Variants in TRPV1 observed in about 807,000 individuals in gnomAD.
The protein encoded by TRPV1 is OTRPC1.
TRPV1 carries 82 observed loss-of-function variants against 82.3 expected under a neutral mutation model. The observed-to-expected ratio is 1.00, with a 90% CI of 0.83 to 1.20. TRPV1 has a LOEUF of 1.20. Among genes scored for constraint, TRPV1 ranks in the 50% most tolerant of loss-of-function variants. The pLI, the probability that TRPV1 is intolerant of heterozygous loss-of-function variation, is 0.00. For synonymous variants in TRPV1, 515 were observed against 467.7 expected (o/e 1.10, Z -1.30); for missense variants, 1,067 against 1,096.8 (o/e 0.97, Z 0.38).
intron 2 of TRPV1, among the ~76,000 whole-genome samples, chr17:3,605,337 C>T (rs1024847860): frequency 1.3e-5 from 2 of 152,084 alleles, no homozygotes; most frequent in Admixed American, 6.6e-5. Flanking sequence ...GGCAAAACCC[C>T]GTCTCTACTA....
chr17:3,590,693 A>G (rs1013458174), intron 5 of TRPV1, among the ~76,000 whole-genome samples: 1 of 152,176 alleles, frequency 6.6e-6, no homozygotes, highest in African/African-American at 2.4e-5. Context: ...ACTTCCAGGG[A>G]CAGGGACCAT....
chr17:3,603,875 G>T (rs1025434081), intron 2 of TRPV1, among the ~76,000 whole-genome samples: 4 of 152,104 alleles, frequency 2.6e-5, no homozygotes, highest in Admixed American at 1.3e-4. Context: ...CTCTCCTGAG[G>T]GCCCACCATG....
Position 3,591,197 on chromosome 17 carries a change from G to T in TRPV1, c.441C>A (p.Asn147Lys), listed in dbSNP as rs200647940. Residue 147 changes from asparagine to lysine, a missense_variant, in exon 4 of 17, where the codon AAC (asparagine) becomes AAA (lysine). By Grantham distance (94) the Asn-to-Lys change is moderately conservative (BLOSUM62 0). Transcript: ENST00000572705. ...CAGCGCTGGGGCCACCTTTGAACTCGTTGTCTGTGAGGTGCTTCTTGCTCT... is the reference window on the plus strand; with the variant it reads ...CAGCGCTGGGGCCACCTTTGAACTCTTTGTCTGTGAGGTGCTTCTTGCTCT... ...LQKSKKHLTD[N>K]EFKDPETGKT... 4 of 1,610,092 alleles carry T rather than the reference G, an allele frequency of 2.5e-6. No individual in the cohort carries two copies. Among genetic ancestry groups the T allele is most frequent in the Admixed American group, 1.7e-5 (1 of 59,118 alleles).
At chr17:3,577,970 T>C (rs1410745806) in intron 11 of TRPV1, 2 of 551,758 alleles carry the variant, frequency 3.6e-6, no homozygotes, top group Admixed American at 3.0e-5. Context: ...TGAGGAGCTG[T>C]GCAAAATCTC....
chr17:3,582,212 A>AAAAAAAC, intron 10 of TRPV1, among the ~76,000 whole-genome samples: 1 of 147,644 alleles, frequency 6.8e-6, no homozygotes, highest in Non-Finnish European at 1.5e-5. Flanking sequence ...AAAAAAAAAA[A>AAAAAAAC]AATCACAGTG....
At chr17:3,574,225 G>C (rs968212236) in intron 13 of TRPV1, among the ~76,000 whole-genome samples, 2 of 152,052 alleles carry the variant, frequency 1.3e-5, no homozygotes, top group African/African-American at 4.8e-5. Context: ...TTAACCATAC[G>C]TGTCAGCTCT....
chr17:3,593,612 T>G (rs920430858), intron 2 of TRPV1, among the ~76,000 whole-genome samples: 1 of 152,076 alleles, frequency 6.6e-6, no homozygotes, highest in African/African-American at 2.4e-5. Flanking sequence ...CTACTTCCCC[T>G]CAGGATCCAG....
intron 13 of TRPV1, among the ~76,000 whole-genome samples, chr17:3,576,061 C>CA (rs35246256): frequency 0.076 from 10,959 of 144,516 alleles, 597 homozygotes; most frequent in African/African-American, 0.15. Flanking sequence ...ACTAAAAATA[C>CA]AAAAAAAAAA....
intron 16 of TRPV1, among the ~76,000 whole-genome samples, chr17:3,570,580 C>A (rs1031835649): frequency 6.6e-6 from 1 of 152,164 alleles, no homozygotes; most frequent in Non-Finnish European, 1.5e-5. Flanking sequence ...CAAAATTTGT[C>A]CACTATAAAC....
At chr17:3,580,366 T>C (rs1205270436) in intron 11 of TRPV1, 91 bp downstream of exon 11, 2 of 1,321,102 alleles carry the variant, frequency 1.5e-6, no homozygotes, top group Non-Finnish European at 2.2e-6. Context: ...GGTCCCACTA[T>C]GTGCCAGGCC....
intron 10 of TRPV1, among the ~76,000 whole-genome samples, chr17:3,581,532 G>C (rs913348816): frequency 2.6e-5 from 4 of 151,984 alleles, no homozygotes; most frequent in African/African-American, 9.7e-5. Flanking sequence ...ATTCCATAAA[G>C]GTGAGTGACT....
At chr17:3,607,738 C>T (rs1597561420) in intron 2 of TRPV1, among the ~76,000 whole-genome samples, 1 of 151,862 alleles carries the variant, frequency 6.6e-6, no homozygotes. Flanking sequence ...GTTTTCACCA[C>T]GTTGGCCAGG....
At chr17:3,594,753 C>T (rs544844123) in intron 2 of TRPV1, among the ~76,000 whole-genome samples, 6 of 152,344 alleles carry the variant, frequency 3.9e-5, no homozygotes, top group African/African-American at 1.4e-4. Flanking sequence ...GGAGTCAGCT[C>T]CCCGCTGAGA....
At chr17:3,582,186 T>G (rs2075029165) in intron 10 of TRPV1, among the ~76,000 whole-genome samples, 1 of 36,282 alleles carries the variant, frequency 2.8e-5, no homozygotes, top group Non-Finnish European at 5.4e-5. Flanking sequence ...TGAGACTCCA[T>G]CTCAAAAAAA....
rs1431558019 is a variant in TRPV1, at chr17:3,580,448, G to A, written c.1547+9C>T. 6.2e-6 allele frequency: 10 copies of A among 1,614,008 alleles called. No homozygotes were observed. Among genetic ancestry groups the A allele is most frequent in the Non-Finnish European group, 8.5e-6 (10 of 1,179,888 alleles). ...GACTGGACTGGGAATGAGTCAAAGTGTCACTTACAAAAGCATCTCACTGTA... is the reference window on the plus strand; with the variant it reads ...GACTGGACTGGGAATGAGTCAAAGTATCACTTACAAAAGCATCTCACTGTA... On this transcript the variant is annotated intron_variant, in intron 11 of 16. Transcript: ENST00000572705.
At chr17:3,569,966 T>G (rs1190985150) in intron 16 of TRPV1, among the ~76,000 whole-genome samples, 4 of 131,960 alleles carry the variant, frequency 3.0e-5, no homozygotes, top group Non-Finnish European at 4.6e-5. Flanking sequence ...GGCCAAGGGG[T>G]CAGGGAGGAG....
chr17:3,588,361 C>T lies in TRPV1; in HGVS notation c.1051G>A (p.Ala351Thr). The T allele has an allele frequency of 1.3e-6, 2 of 1,555,574 alleles. No individual in the cohort carries two copies. The highest frequency in any genetic ancestry group is 1.7e-6 in the Non-Finnish European group (2 of 1,149,336). Residue 351 changes from alanine to threonine, a missense_variant, in exon 8 of 17, where the codon GCC becomes ACC. Transcript: ENST00000572705. ...TGGATCTCCCGCTGGAGAATATAGGCCAAGACCTGCCCCCGGGGAGCAAGA... is the reference window on the plus strand; with the variant it reads ...TGGATCTCCCGCTGGAGAATATAGGTCAAGACCTGCCCCCGGGGAGCAAGA... ...AAGTGKIGVL[A>T]YILQREIQEP...
At chr17:3,573,979 G>A (rs763318035) in intron 13 of TRPV1, 24 bp from the exon 14 acceptor site, 2 of 1,562,204 alleles carry the variant, frequency 1.3e-6, no homozygotes, top group African/African-American at 1.4e-5. Context: ...GGAGGGCGGG[G>A]TGCCACTGGA....
intron 7 of TRPV1, chr17:3,589,102 C>T: frequency 1.3e-6 from 1 of 764,232 alleles, no homozygotes; most frequent in Non-Finnish European, 2.2e-6. Context: ...TCACCAGGAG[C>T]CACCAGCTGG....
Sources: gnomAD v4.1 joint callset for allele counts (sites outside exome capture counted in the v4.1 genomes callset) on GRCh38, gnomAD v4.1.1 for gene constraint, MANE v1.5 for transcripts, NCBI Gene and HGNC (gene_info 2026-07-23, HGNC 2026-07-21) for gene names.